TBC1D8: variants seen among roughly 807,000 people sequenced by gnomAD.
TBC1D8 encodes TBC1 domain family member 8.
TBC1D8 carries 65 observed loss-of-function variants against 118.8 expected under a neutral mutation model. The ratio of observed to expected loss-of-function variants is 0.55; its 90% CI spans 0.45 to 0.67. TBC1D8 has a LOEUF of 0.67. Among genes scored for constraint, TBC1D8 ranks in the 30% least tolerant of loss-of-function variants. The pLI is 0.00. For synonymous variants in TBC1D8, 566 were observed against 595.8 expected, an observed-to-expected ratio of 0.95 and a Z score of 0.73; for missense variants, 1,376 against 1,471.2, an observed-to-expected ratio of 0.94 and a Z score of 1.06.
chr2:101,122,682 C>T (rs887816834), intron 1 of TBC1D8, among the ~76,000 whole-genome samples: 2 of 152,062 alleles, frequency 1.3e-5, no homozygotes, highest in Non-Finnish European at 2.9e-5. Context: ...TAATACTGTA[C>T]ATGAAACCGA....
At chr2:101,088,077 T>C (rs1461775094) in intron 2 of TBC1D8, among the ~76,000 whole-genome samples, 4 of 152,240 alleles carry the variant, frequency 2.6e-5, no homozygotes, top group Admixed American at 2.6e-4. Flanking sequence ...AATACTTTTG[T>C]TATAAAACCA....
chr2:101,064,240 C>T lies in TBC1D8; in HGVS notation c.284-4701G>A, dbSNP rs544266501. On this transcript the variant is annotated intron_variant, in intron 2 of 19. Transcript: ENST00000409318. ...CTGGTGTCCTTATAAGAAGAGACAC[C>T]GGGGAAGTGCACCCATGGAGAAAAG... Among the ~76,000 whole-genome samples, 4 of 152,128 alleles carry T rather than the reference C, an allele frequency of 2.6e-5. No homozygotes were observed. In the South Asian group the frequency reaches 8.3e-4, roughly 32 times the overall value.
At chr2:101,028,626 A>T in intron 12 of TBC1D8, 194 bp from the exon 13 acceptor site, 1 of 703,996 alleles carries the variant, frequency 1.4e-6, no homozygotes, top group South Asian at 3.3e-5. Flanking sequence ...ATTGGGCTCC[A>T]CAGGTGGCTT....
At chr2:101,036,531 T>C (rs1681025655) in intron 8 of TBC1D8, among the ~76,000 whole-genome samples, 1 of 152,046 alleles carries the variant, frequency 6.6e-6, no homozygotes, top group Non-Finnish European at 1.5e-5. Flanking sequence ...GGGGGAAGCT[T>C]TCTCTGGATG....
chr2:101,009,838 T>C (rs1291763559), intron 19 of TBC1D8, among the ~76,000 whole-genome samples: 1 of 151,506 alleles, frequency 6.6e-6, no homozygotes, highest in Non-Finnish European at 1.5e-5. Flanking sequence ...TTTTTTTTTT[T>C]TGAGATGGAG....
intron 17 of TBC1D8, among the ~76,000 whole-genome samples, chr2:101,020,190 A>G (rs1679947697): frequency 6.6e-6 from 1 of 152,188 alleles, no homozygotes; most frequent in Admixed American, 6.5e-5. Flanking sequence ...GTACTAATCT[A>G]TGCAACTTTT....
Position 101,010,987 on chromosome 2 carries a change from A to G in TBC1D8, c.2957T>C (p.Ile986Thr). ...ATCTTTTTCTTTGGCTAAATCCTTA[A>G]TCATCTGCTTCAGCTGTTTCTGATA... is the stretch of plus-strand genomic sequence containing the variant. ...VDYQKQLKQM[I>T]KDLAKEKDKT... Residue 986 changes from isoleucine (I) to threonine (T), a missense_variant, in exon 19 of 20, where the codon ATT (isoleucine) becomes ACT (threonine). Physicochemically the swap from Ile to Thr is moderately conservative, Grantham distance 89. Coordinates refer to ENST00000409318, the MANE Select transcript of TBC1D8 (RefSeq NM_001330348.2). 2 of 1,613,138 alleles carry G rather than the reference A, an allele frequency of 1.2e-6. No homozygotes were observed. Among genetic ancestry groups the G allele is most frequent in the Non-Finnish European group, 1.7e-6 (2 of 1,179,890 alleles).
chr2:101,088,274 GAC>G (rs1246620124), intron 2 of TBC1D8, among the ~76,000 whole-genome samples: 1 of 151,902 alleles, frequency 6.6e-6, no homozygotes, highest in Admixed American at 6.6e-5. Context: ...TGATTCATTT[GAC>G]ACACACTCTC....
intron 5 of TBC1D8, among the ~76,000 whole-genome samples, chr2:101,044,484 G>T (rs554276986): frequency 6.6e-6 from 1 of 152,302 alleles, no homozygotes; most frequent in Admixed American, 6.5e-5. Flanking sequence ...CAAAGCCACT[G>T]CTCACAGCCC....
intron 1 of TBC1D8, among the ~76,000 whole-genome samples, chr2:101,109,605 G>A (rs1677456500): frequency 3.3e-5 from 5 of 151,944 alleles, no homozygotes; most frequent in Admixed American, 2.6e-4. Flanking sequence ...TATGAGCAGG[G>A]TCATAAAAAA....
At chr2:101,107,329 G>A (rs1211777715) in intron 1 of TBC1D8, among the ~76,000 whole-genome samples, 3 of 152,084 alleles carry the variant, frequency 2.0e-5, no homozygotes, top group Non-Finnish European at 4.4e-5. Flanking sequence ...ATTATTTCTG[G>A]TGGTATCTGT....
intron 1 of TBC1D8, among the ~76,000 whole-genome samples, chr2:101,134,165 TC>T (rs1678724604): frequency 8.1e-6 from 1 of 123,932 alleles, no homozygotes; most frequent in African/African-American, 3.0e-5. Context: ...CTCCCTCTCT[TC>T]TCTTTCTCTC....
rs772661686 is a variant in TBC1D8 at position 101,054,116 on chromosome 2, C to T, written c.623G>A (p.Gly208Asp). The T allele has an allele frequency of 4.3e-6, 7 of 1,610,784 alleles. No individual in the cohort carries two copies. Among genetic ancestry groups the T allele is most frequent in the Admixed American group, 3.3e-5 (2 of 59,800 alleles). ...TGCCAGGCCTCACTTACGTTCCTTG[C>T]CCAGGAAGAAGGAGTAGAAGCAGAG... ...NHLCFYSFFLGKELKLVVPWV... is the reference protein window; with the variant it reads ...NHLCFYSFFLDKELKLVVPWV... Residue 208 changes from glycine to aspartate, a missense_variant, in exon 4 of 20, where the codon GGC (glycine) becomes GAC (aspartate). By Grantham distance (94) the Gly-to-Asp change is moderately conservative. Transcript: ENST00000409318.
In TBC1D8 at chr2:101,022,536, G is replaced by A; in HGVS notation, c.2521-15C>T. On this transcript the variant is annotated splice_polypyrimidine_tract_variant and intron_variant, in intron 15 of 19. Transcript: ENST00000409318. ...ATATGTTCTCTCTTCAAACAAGAGGGGGAAAGGGAGTTCTTACCACTTATT... is the reference window on the plus strand; with the variant it reads ...ATATGTTCTCTCTTCAAACAAGAGGAGGAAAGGGAGTTCTTACCACTTATT... 6.3e-7 allele frequency: 1 copy of A among 1,585,106 alleles called. No homozygotes were observed. Among genetic ancestry groups the A allele is most frequent in the Non-Finnish European group, 8.5e-7 (1 of 1,173,132 alleles).
At chr2:101,017,709 T>C in intron 17 of TBC1D8, 1 of 774,868 alleles carries the variant, frequency 1.3e-6, no homozygotes, top group South Asian at 1.8e-5. Flanking sequence ...CTAACAGATA[T>C]CCATGGTACA....
At chr2:101,126,599 T>C (rs920489417) in intron 1 of TBC1D8, among the ~76,000 whole-genome samples, 3 of 152,158 alleles carry the variant, frequency 2.0e-5, no homozygotes, top group African/African-American at 4.8e-5. Flanking sequence ...TAAATCTTGA[T>C]AGATATACAG....
At chr2:101,080,337 G>A (rs1558683380) in intron 2 of TBC1D8, among the ~76,000 whole-genome samples, 1 of 152,018 alleles carries the variant, frequency 6.6e-6, no homozygotes, top group Non-Finnish European at 1.5e-5. Context: ...GACTTTCCTT[G>A]AAGCACCCAG....
Position 101,151,298 on chromosome 2 carries a change from C to A in TBC1D8, c.-45G>T. The A allele has an allele frequency of 1.8e-6, 2 of 1,110,078 alleles. No individual in the cohort carries two copies. Among genetic ancestry groups the A allele is most frequent in the Non-Finnish European group, 2.2e-6 (2 of 897,872 alleles). 68.8% of individuals were successfully genotyped at this position (1,110,078 alleles called of 1,614,324 possible). ...CCGCCGGCCCCAGCTCACATCTCCC[C>A]GGCCGCCGGTCGCTGTGAGCCGAGC... On this transcript the variant is annotated 5_prime_UTR_variant, in exon 1 of 20. Coordinates refer to ENST00000409318, the MANE Select transcript of TBC1D8 (RefSeq NM_001330348.2).
intron 19 of TBC1D8, among the ~76,000 whole-genome samples, chr2:101,009,667 G>A (rs530492999): frequency 1.3e-5 from 2 of 151,942 alleles, no homozygotes; most frequent in Admixed American, 1.3e-4. Flanking sequence ...CACAGTAGAC[G>A]AGCAGCATTT....
Sources: gnomAD v4.1 joint callset for allele counts (sites outside exome capture counted in the v4.1 genomes callset) on GRCh38, gnomAD v4.1.1 for gene constraint, MANE v1.5 for transcripts, NCBI Gene and HGNC (gene_info 2026-07-23, HGNC 2026-07-21) for gene names.